The following BMPR2 variants were observed in gnomAD, a reference collection of about 807,000 sequenced individuals.
BMPR2 encodes bone morphogenetic protein receptor type 2.
A neutral mutation model predicts 100.8 loss-of-function variants in BMPR2; 29 were observed. The observed-to-expected ratio is 0.29, with a 90% CI of 0.21 to 0.39. The LOEUF (loss-of-function observed/expected upper bound fraction) is 0.39, where lower values mean the gene tolerates loss of function less well. BMPR2 is among the 10% of genes least tolerant of loss of function. BMPR2 has a pLI of 1.00. For missense variants in BMPR2, 1,011 were observed against 1,274.5 expected, an observed-to-expected ratio of 0.79 and a Z score of 3.15; for synonymous variants, 382 against 442.3, an observed-to-expected ratio of 0.86 and a Z score of 1.71.
chr2:202,391,791 C>T (rs1315356844), intron 1 of BMPR2, among the ~76,000 whole-genome samples: 2 of 150,370 alleles, frequency 1.3e-5, no homozygotes, highest in African/African-American at 4.9e-5. Flanking sequence ...GAGATGGAGT[C>T]GCACTCTGTC....
At chr2:202,437,663 G>C (rs554282432) in intron 1 of BMPR2, among the ~76,000 whole-genome samples, 8 of 150,466 alleles carry the variant, frequency 5.3e-5, no homozygotes, top group Non-Finnish European at 1.2e-4. Flanking sequence ...TCTACTTTCT[G>C]TCTCAAATTT....
At chr2:202,393,882 CGAGAGAGAGAGAGA>C (rs56708616) in intron 1 of BMPR2, among the ~76,000 whole-genome samples, 1,126 of 97,918 alleles carry the variant, frequency 0.011, 12 homozygotes, top group African/African-American at 0.023. Context: ...AATGAGAGAG[CGAGAGAGAGAGAGA>C]GAGAGAGAGA....
At chr2:202,513,654 C>T (rs1687661425) in intron 3 of BMPR2, 65 bp from the exon 4 acceptor site, 11 of 1,194,748 alleles carry the variant, frequency 9.2e-6, no homozygotes, top group South Asian at 2.5e-5. Context: ...AAAGGGCAGT[C>T]TGTCAGTATT....
chr2:202,421,280 G>T (rs922005042), intron 1 of BMPR2, among the ~76,000 whole-genome samples: 3 of 143,978 alleles, frequency 2.1e-5, no homozygotes, highest in African/African-American at 7.8e-5. Context: ...ATTGAGGCCA[G>T]CCTGGACAAT....
At chr2:202,438,385 A>G (rs1449805089) in intron 1 of BMPR2, among the ~76,000 whole-genome samples, 5 of 150,544 alleles carry the variant, frequency 3.3e-5, no homozygotes, top group Non-Finnish European at 7.4e-5. Context: ...TAGTTATATG[A>G]CTTGTAAATT....
chr2:202,401,927 T>C (rs1265200900), intron 1 of BMPR2, among the ~76,000 whole-genome samples: 3 of 152,236 alleles, frequency 2.0e-5, no homozygotes, highest in Non-Finnish European at 4.4e-5. Context: ...AAAATGAACA[T>C]GCTGCAAAAA....
At chr2:202,411,218 A>T (rs536517397) in intron 1 of BMPR2, among the ~76,000 whole-genome samples, 1 of 152,316 alleles carries the variant, frequency 6.6e-6, no homozygotes, top group Non-Finnish European at 1.5e-5. Context: ...TGGATATACC[A>T]CTCTAACCTG....
intron 3 of BMPR2, among the ~76,000 whole-genome samples, chr2:202,497,488 C>T (rs771547343): frequency 6.6e-6 from 1 of 152,198 alleles, no homozygotes; most frequent in African/African-American, 2.4e-5. Context: ...TAACAACCCC[C>T]GACTCTTCGG....
intron 1 of BMPR2, among the ~76,000 whole-genome samples, chr2:202,411,030 CATT>C (rs1313263759): frequency 5.9e-5 from 9 of 152,092 alleles, no homozygotes; most frequent in African/African-American, 2.2e-4. Context: ...AGAAAATCAT[CATT>C]AGGCGATCTC....
rs887614256 is a variant in BMPR2, at chr2:202,566,303, A to C, written c.*6357A>C. The C allele has an allele frequency of 6.6e-6, 1 of 152,624 alleles. No individual in the cohort carries two copies. Among genetic ancestry groups the C allele is most frequent in the African/African-American group, 2.4e-5 (1 of 41,456 alleles). The allele number at this position is 152,624 out of a possible 1,614,324, so 9.5% of individuals were successfully genotyped here. A position where few individuals can be genotyped will look rare whatever the true frequency, so the allele number is the denominator to read the frequency against. Reference sequence around the variant, plus strand: ...GCCCCTTTCATCCCTTTGTACACTGAAAAAGTTCAATTGTTAGCAAGTAAG... The same window carrying C: ...GCCCCTTTCATCCCTTTGTACACTGCAAAAGTTCAATTGTTAGCAAGTAAG... On this transcript the variant is annotated 3_prime_UTR_variant, in exon 13 of 13. Transcript: ENST00000374580.
chr2:202,467,737 T>G, intron 3 of BMPR2, 48 bp downstream of exon 3: 1 of 1,550,712 alleles, frequency 6.4e-7, no homozygotes, highest in Non-Finnish European at 8.9e-7. Context: ...CTCCAAAGAT[T>G]TGCAAAATAT....
At chr2:202,504,611 G>A (rs1052471896) in intron 3 of BMPR2, among the ~76,000 whole-genome samples, 3 of 151,838 alleles carry the variant, frequency 2.0e-5, no homozygotes, top group African/African-American at 4.8e-5. Context: ...CACCAATTCC[G>A]GACACACTAC....
intron 12 of BMPR2, among the ~76,000 whole-genome samples, chr2:202,557,501 A>G (rs1318872778): frequency 6.6e-6 from 1 of 150,826 alleles, no homozygotes. Context: ...ACACACACAC[A>G]CACACACACA....
chr2:202,380,965 C>CTTTTT lies in BMPR2; in HGVS notation c.76+3438_76+3442dup, dbSNP rs1159400445. Among the ~76,000 whole-genome samples the CTTTTT allele has an allele frequency of 2.8e-4, 20 of 70,780 alleles. 2 individuals are homozygous for CTTTTT. Among genetic ancestry groups the CTTTTT allele is most frequent in the African/African-American group, 4.0e-4 (7 of 17,304 alleles). The allele number at this position is 70,780 out of a possible 152,430, so 46.4% of individuals were successfully genotyped here. On this transcript the variant is annotated intron_variant, in intron 1 of 12. Coordinates refer to ENST00000374580, the MANE Select transcript of BMPR2 (RefSeq NM_001204.7). ...GCCCTGGCCCTGGATTTCTTTCTTT[C>CTTTTT]TTTTTTTTTTTTTTTTTTTTTTTTT...
Position 202,513,613 on chromosome 2 carries a change from T to C in BMPR2, c.419-106T>C. On this transcript the variant is annotated intron_variant, in intron 3 of 12. Coordinates refer to ENST00000374580, the MANE Select transcript of BMPR2 (RefSeq NM_001204.7). ...ATTTCCTTTGATGCAAAAACATTAC[T>C]AATTTGATTATACATGGGTACAGCC... The C allele has an allele frequency of 5.5e-6, 4 of 721,092 alleles. No homozygotes were observed. The South Asian group carries it at 6.7e-5, about 12-fold the overall frequency. The allele number at this position is 721,092 out of a possible 1,614,324, so 44.7% of individuals were successfully genotyped here.
rs141901159 is a variant in BMPR2 at position 202,467,878 on chromosome 2, G to A, written c.418+189G>A. ...TTTGAGACCAGCCTGGTGAAATCCC[G>A]TCTCTGCCAAAAGTAAAAAATTAGC... On this transcript the variant is annotated intron_variant, in intron 3 of 12. Transcript: ENST00000374580. 5.2e-3 allele frequency among the ~76,000 whole-genome samples: 783 copies of A among 151,886 alleles called. 18 individuals are homozygous for A. The highest frequency in any genetic ancestry group is 0.035 in the Admixed American group (531 of 15,204).
chr2:202,517,300 G>A (rs1435588793), intron 5 of BMPR2, among the ~76,000 whole-genome samples: 1 of 150,820 alleles, frequency 6.6e-6, no homozygotes, highest in Non-Finnish European at 1.5e-5. Context: ...AATCTGTTTG[G>A]GGCAGAAGCT....
At chr2:202,467,801 G>A in intron 3 of BMPR2, 112 bp downstream of exon 3, 2 of 1,127,896 alleles carry the variant, frequency 1.8e-6, no homozygotes, top group South Asian at 2.6e-5. Context: ...GCTCATGCCT[G>A]TAATGCCAGC....
chr2:202,377,042 G>A lies in BMPR2; in HGVS notation c.-433G>A, dbSNP rs1690161694. 2.2e-6 allele frequency: 1 copy of A among 464,404 alleles called. No individual in the cohort carries two copies. The highest frequency in any genetic ancestry group is 3.8e-6 in the Non-Finnish European group (1 of 265,442). 28.8% of individuals were successfully genotyped at this position (464,404 alleles called of 1,614,324 possible). On this transcript the variant is annotated 5_prime_UTR_variant, in exon 1 of 13. Transcript: ENST00000374580. ...CGCCCGTCCGGCTTCGTCCTTCCCGGCAGTCGGGAACTAGTTCTGACCCTC... is the reference window on the plus strand; with the variant it reads ...CGCCCGTCCGGCTTCGTCCTTCCCGACAGTCGGGAACTAGTTCTGACCCTC...
Sources: allele counts gnomAD v4.1 joint callset (sites outside exome capture counted in the v4.1 genomes callset), GRCh38; gene constraint gnomAD v4.1.1; transcripts MANE v1.5; gene names NCBI Gene and HGNC (gene_info 2026-07-23, HGNC 2026-07-21).